Variants in SLC44A5 observed in about 807,000 individuals in gnomAD.
SLC44A5 encodes solute carrier family 44 member 5.
A neutral mutation model predicts 101.8 loss-of-function variants in SLC44A5; 57 were observed. The ratio of observed to expected loss-of-function variants is 0.56; its 90% CI spans 0.45 to 0.70. The LOEUF is 0.70. Among genes scored for constraint, SLC44A5 ranks in the 30% least tolerant of loss-of-function variants. The pLI is 0.00. For missense variants in SLC44A5, 737 were observed against 853.1 expected (o/e 0.86, Z 1.70); for synonymous variants, 281 against 290.9 (o/e 0.97, Z 0.35).
At chr1:75,585,251 T>C (rs1187956897) in intron 1 of SLC44A5, among the ~76,000 whole-genome samples, 2 of 152,226 alleles carry the variant, frequency 1.3e-5, no homozygotes, top group African/African-American at 4.8e-5. Flanking sequence ...CACTTTTTTC[T>C]GGTAGATCAC....
chr1:75,596,864 G>C (rs1214493996), intron 1 of SLC44A5, among the ~76,000 whole-genome samples: 2 of 152,060 alleles, frequency 1.3e-5, no homozygotes, highest in Non-Finnish European at 2.9e-5. Context: ...ACAAAAGCTG[G>C]AAGCATTCTC....
rs115736354 is a variant in SLC44A5, at chr1:75,302,762, C to T, written c.102-2077G>A. On this transcript the variant is annotated intron_variant, in intron 4 of 23. Transcript: ENST00000370859. ...CAGGGTTACTTGAACACAAGCACTG[C>T]GATACTGAGACAGTTGATCTGACAA... Among the ~76,000 whole-genome samples the T allele has an allele frequency of 3.1e-4, 47 of 152,216 alleles. 1 individual carries two copies. The highest frequency in any genetic ancestry group is 1.0e-3 in the African/African-American group (42 of 41,552).
At chr1:75,699,484 A>C in the SLC44A5 span, among the ~76,000 whole-genome samples, 1 of 152,110 alleles carries the variant, frequency 6.6e-6, no homozygotes, top group Non-Finnish European at 1.5e-5. Flanking sequence ...GCCTGCCCTA[A>C]AAAAGGTGCT....
intron 2 of SLC44A5, among the ~76,000 whole-genome samples, chr1:75,486,676 C>T (rs1668168876): frequency 6.6e-6 from 1 of 152,176 alleles, no homozygotes; most frequent in Admixed American, 6.5e-5. Context: ...GGCCACAGGC[C>T]CCATGCCAGT....
At chr1:75,516,374 C>T in intron 2 of SLC44A5, among the ~76,000 whole-genome samples, 1 of 151,886 alleles carries the variant, frequency 6.6e-6, no homozygotes, top group Non-Finnish European at 1.5e-5. Context: ...ATTAGCCGGG[C>T]GTGGTGGTGG....
rs187799773 is a variant in SLC44A5, at chr1:75,247,955, G to A, written c.345+3255C>T. Among the ~76,000 whole-genome samples the A allele has an allele frequency of 2.0e-5, 3 of 152,146 alleles. No homozygotes were observed. The East Asian group carries it at 5.8e-4, about 30-fold the overall frequency. On this transcript the variant is annotated intron_variant, in intron 7 of 23. Transcript: ENST00000370859. ...AGAGGCACAGAGATATGGACCAGTA[G>A]CTGGAGGGGGATGTGGGATCAAGGG...
intron 3 of SLC44A5, among the ~76,000 whole-genome samples, chr1:75,342,952 G>A (rs1329894502): frequency 6.6e-6 from 1 of 152,074 alleles, no homozygotes; most frequent in African/African-American, 2.4e-5. Flanking sequence ...GCCCCCATGT[G>A]CTGTCAGAAT....
At chr1:75,358,511 G>C (rs902752107) in intron 3 of SLC44A5, among the ~76,000 whole-genome samples, 1 of 152,060 alleles carries the variant, frequency 6.6e-6, no homozygotes, top group Non-Finnish European at 1.5e-5. Context: ...GATATACATT[G>C]TGAAATAACT....
chr1:75,510,610 A>T (rs996509736), intron 2 of SLC44A5, among the ~76,000 whole-genome samples: 2 of 152,208 alleles, frequency 1.3e-5, no homozygotes, highest in African/African-American at 2.4e-5. Context: ...ACTGAACATC[A>T]CTATGGAGCT....
intron 12 of SLC44A5, among the ~76,000 whole-genome samples, chr1:75,229,123 G>A (rs1431375636): frequency 6.6e-6 from 1 of 151,602 alleles, no homozygotes; most frequent in Non-Finnish European, 1.5e-5. Context: ...AATCCATCAG[G>A]AAATACAGCT....
chr1:75,672,767 G>A, the SLC44A5 span, among the ~76,000 whole-genome samples: 321 of 152,204 alleles, frequency 2.1e-3, 2 homozygotes, highest in African/African-American at 7.2e-3. Context: ...CACCTCAGCC[G>A]CAGTAGAATA....
the SLC44A5 span, among the ~76,000 whole-genome samples, chr1:75,688,710 A>G: frequency 6.6e-6 from 1 of 152,168 alleles, no homozygotes; most frequent in Admixed American, 6.6e-5. Flanking sequence ...GCCAGTGATC[A>G]TCTCTTTAAA....
At chr1:75,491,005 A>G (rs1668397438) in intron 2 of SLC44A5, among the ~76,000 whole-genome samples, 1 of 152,010 alleles carries the variant, frequency 6.6e-6, no homozygotes, top group Admixed American at 6.6e-5. Context: ...TCCTTGCTGG[A>G]AGAGCCTAGA....
the SLC44A5 span, among the ~76,000 whole-genome samples, chr1:75,658,366 A>G: frequency 6.6e-6 from 1 of 151,996 alleles, no homozygotes; most frequent in African/African-American, 2.4e-5. Context: ...GTGAACTACT[A>G]CACTCAGCCT....
intron 3 of SLC44A5, among the ~76,000 whole-genome samples, chr1:75,358,678 AT>A (rs1344748751): frequency 1.3e-5 from 2 of 152,128 alleles, no homozygotes; most frequent in African/African-American, 2.4e-5. Context: ...CCCAAAATTT[AT>A]TTTTTGTAAT....
chr1:75,252,187 CAG>C (rs1246047631), intron 6 of SLC44A5, among the ~76,000 whole-genome samples: 1 of 152,232 alleles, frequency 6.6e-6, no homozygotes, highest in Non-Finnish European at 1.5e-5. Flanking sequence ...CCAGTGGATT[CAG>C]AGAGAGTGTT....
chr1:75,413,394 T>C (rs978643140), intron 2 of SLC44A5, among the ~76,000 whole-genome samples: 1 of 152,170 alleles, frequency 6.6e-6, no homozygotes, highest in African/African-American at 2.4e-5. Flanking sequence ...ACCATTTACA[T>C]CTATAATTCT....
chr1:75,695,641 T>C, the SLC44A5 span, among the ~76,000 whole-genome samples: 1 of 150,614 alleles, frequency 6.6e-6, no homozygotes, highest in African/African-American at 2.4e-5. Context: ...GGGAAACAAA[T>C]AAGGTATGTT....
intron 5 of SLC44A5, among the ~76,000 whole-genome samples, chr1:75,281,651 C>CT (rs1652594101): frequency 1.2e-5 from 1 of 84,920 alleles, no homozygotes; most frequent in African/African-American, 4.0e-5. Context: ...CCCCCCCCCC[C>CT]GCTGCATTTA....
Sources: gnomAD v4.1 joint callset for allele counts (sites outside exome capture counted in the v4.1 genomes callset) on GRCh38, gnomAD v4.1.1 for gene constraint, MANE v1.5 for transcripts, NCBI Gene and HGNC (gene_info 2026-07-23, HGNC 2026-07-21) for gene names.